The following HNF4G variants were observed in gnomAD, a reference collection of about 807,000 sequenced individuals.
HNF4G encodes the protein hepatocyte nuclear factor 4-gamma.
HNF4G carries 21 observed loss-of-function variants against 50.9 expected under a neutral mutation model. The ratio of observed to expected loss-of-function variants is 0.41; its 90% CI spans 0.29 to 0.59. The LOEUF (loss-of-function observed/expected upper bound fraction) is 0.59, where lower values mean the gene tolerates loss of function less well. Ranked by LOEUF, HNF4G falls within the 20% of genes least tolerant of loss-of-function variation. The pLI is 0.26. For synonymous variants in HNF4G, 198 were observed against 185.6 expected (o/e 1.07, Z -0.54); for missense variants, 527 against 559.4 (o/e 0.94, Z 0.58).
intron 1 of HNF4G, among the ~76,000 whole-genome samples, chr8:75,426,250 C>T (rs539849802): frequency 1.3e-5 from 2 of 152,180 alleles, no homozygotes; most frequent in African/African-American, 4.8e-5. Flanking sequence ...TTCCATTCCT[C>T]GTGGATTTCG....
chr8:75,501,559 A>C (rs1311965960), intron 2 of HNF4G, among the ~76,000 whole-genome samples: 1 of 152,168 alleles, frequency 6.6e-6, no homozygotes, highest in African/African-American at 2.4e-5. Flanking sequence ...CACATGAAAA[A>C]TTATTGTTGA....
chr8:75,418,947 G>A (rs980229300), intron 1 of HNF4G, among the ~76,000 whole-genome samples: 1 of 151,980 alleles, frequency 6.6e-6, no homozygotes, highest in Admixed American at 6.6e-5. Flanking sequence ...CACCGACCTC[G>A]AATTCCTGAC....
intron 1 of HNF4G, among the ~76,000 whole-genome samples, chr8:75,473,759 C>G (rs527654417): frequency 3.3e-5 from 5 of 151,690 alleles, no homozygotes; most frequent in Non-Finnish European, 7.4e-5. Context: ...AGACAGAGAA[C>G]GATGCAAAAG....
At chr8:75,423,001 C>G (rs1810807735) in intron 1 of HNF4G, among the ~76,000 whole-genome samples, 1 of 152,118 alleles carries the variant, frequency 6.6e-6, no homozygotes, top group Non-Finnish European at 1.5e-5. Flanking sequence ...CAGTTAGGAG[C>G]AGAGATGATA....
At chr8:75,487,860 C>T (rs992666137) in intron 1 of HNF4G, among the ~76,000 whole-genome samples, 5 of 152,058 alleles carry the variant, frequency 3.3e-5, no homozygotes, top group Non-Finnish European at 7.4e-5. Context: ...CTGGGGAGGC[C>T]TCAGGAAACT....
intron 3 of HNF4G, among the ~76,000 whole-genome samples, chr8:75,549,092 A>T (rs1806871698): frequency 6.6e-6 from 1 of 152,176 alleles, no homozygotes; most frequent in Non-Finnish European, 1.5e-5. Flanking sequence ...TGTTTCCTTT[A>T]TGAGTTTTAC....
chr8:75,485,674 C>T (rs982315225), intron 1 of HNF4G: 2 of 152,110 alleles, frequency 1.3e-5, no homozygotes, highest in African/African-American at 4.8e-5. Flanking sequence ...TTAAGATAAA[C>T]TTGCCTTTCA....
At chr8:75,512,497 C>T (rs1805783545) in intron 2 of HNF4G, among the ~76,000 whole-genome samples, 1 of 151,144 alleles carries the variant, frequency 6.6e-6, no homozygotes, top group Non-Finnish European at 1.5e-5. Context: ...TGGAGTCTCA[C>T]TCTGTCGCCC....
intron 5 of HNF4G, among the ~76,000 whole-genome samples, chr8:75,555,671 G>A (rs140814015): frequency 1.4e-3 from 215 of 151,286 alleles, no homozygotes; most frequent in African/African-American, 4.3e-3. Flanking sequence ...GTAAGTGGCC[G>A]TGCTGGGATT....
At chr8:75,562,141 T>G (rs1370218596) in intron 9 of HNF4G, among the ~76,000 whole-genome samples, 2 of 152,220 alleles carry the variant, frequency 1.3e-5, no homozygotes, top group South Asian at 2.1e-4. Context: ...ACAGCATTTT[T>G]TTTTTCTTCC....
intron 2 of HNF4G, among the ~76,000 whole-genome samples, chr8:75,521,237 G>A (rs1806032851): frequency 6.6e-6 from 1 of 152,142 alleles, no homozygotes; most frequent in South Asian, 2.1e-4. Flanking sequence ...GATAGAATGA[G>A]AAGAAGACAA....
intron 2 of HNF4G, among the ~76,000 whole-genome samples, chr8:75,525,464 G>A (rs1018916836): frequency 2.0e-5 from 3 of 152,124 alleles, no homozygotes; most frequent in South Asian, 2.1e-4. Flanking sequence ...CACCGCAACC[G>A]GCCTCCATTG....
In HNF4G at chr8:75,559,005, T is replaced by C. The variant is rs922223755; in HGVS notation, c.1091T>C (p.Ile364Thr). ...QFVKLFGMVK[I>T]DNLLQEMLLG... is the part of the protein sequence containing the mutation. The stretch of plus-strand genomic sequence containing the variant: ...GTTAAACTTTTTGGGATGGTTAAAA[T>C]TGACAATCTACTTCAGGAAATGCTA... Residue 364 changes from isoleucine to threonine, a missense_variant, in exon 8 of 10, where the codon ATT becomes ACT. By Grantham distance (89) the Ile-to-Thr change is moderately conservative (BLOSUM62 -1). This residue lies in a region of HNF4G where 308 missense variants were observed against 301.5 expected (regional missense o/e 1.02). Coordinates refer to ENST00000396423, the MANE Select transcript of HNF4G (RefSeq NM_004133.5). The C allele has an allele frequency of 1.2e-6, 2 of 1,607,546 alleles. No homozygotes were observed. The highest frequency in any genetic ancestry group is 1.7e-6 in the Non-Finnish European group (2 of 1,174,160).
chr8:75,490,164 C>G (rs1420918416), exon 2 of HNF4G: 2 of 152,740 alleles, frequency 1.3e-5, no homozygotes, highest in East Asian at 3.9e-4. Flanking sequence ...TGTATTGATT[C>G]TACTCTTCTC....
At chr8:75,426,440 CT>C (rs1810891927) in intron 1 of HNF4G, among the ~76,000 whole-genome samples, 1 of 152,166 alleles carries the variant, frequency 6.6e-6, no homozygotes, top group African/African-American at 2.4e-5. Context: ...ATAATTTTCT[CT>C]AAATTAAGCA....
At chr8:75,449,936 C>A (rs1477022638) in intron 1 of HNF4G, among the ~76,000 whole-genome samples, 1 of 152,100 alleles carries the variant, frequency 6.6e-6, no homozygotes, top group Non-Finnish European at 1.5e-5. Context: ...ACTATAGCCC[C>A]CCGATGTATG....
intron 2 of HNF4G, among the ~76,000 whole-genome samples, chr8:75,530,811 G>A (rs1039080500): frequency 1.5e-4 from 7 of 46,746 alleles, no homozygotes; most frequent in African/African-American, 6.5e-4. Flanking sequence ...TTTTTTTTTT[G>A]AGACAGGGTC....
At chr8:75,526,110 A>G (rs1243717928) in intron 2 of HNF4G, among the ~76,000 whole-genome samples, 1 of 78,404 alleles carries the variant, frequency 1.3e-5, no homozygotes, top group Non-Finnish European at 2.7e-5. Flanking sequence ...GCTCAAATTT[A>G]TTTATTTATT....
chr8:75,542,970 G>T (rs1190873606), intron 1 of HNF4G, among the ~76,000 whole-genome samples: 1 of 152,046 alleles, frequency 6.6e-6, no homozygotes, highest in Non-Finnish European at 1.5e-5. Context: ...CAGACCGCCT[G>T]CTGAGGTGGG....
Sources: gnomAD v4.1 joint callset for allele counts (sites outside exome capture counted in the v4.1 genomes callset) on GRCh38, gnomAD v4.1.1 for gene constraint, gnomAD v4.1.1 regional missense constraint, MANE v1.5 for transcripts, NCBI Gene and HGNC (gene_info 2026-07-23, HGNC 2026-07-21) for gene names.